Variants in TNRC6C observed in about 807,000 individuals in gnomAD.
TNRC6C encodes the protein trinucleotide repeat-containing gene 6C protein.
Under a neutral mutation model 153.7 loss-of-function variants are expected in TNRC6C, and 20 were observed. The ratio of observed to expected loss-of-function variants is 0.13; its 90% CI spans 0.09 to 0.19. The LOEUF (loss-of-function observed/expected upper bound fraction) is 0.19, where lower values mean the gene tolerates loss of function less well. Ranked by LOEUF, TNRC6C falls within the 10% of genes least tolerant of loss-of-function variation. TNRC6C has a pLI of 1.00. For synonymous variants in TNRC6C, 811 were observed against 841.4 expected, an observed-to-expected ratio of 0.96 and a Z score of 0.63; for missense variants, 1,987 against 2,172.0, an observed-to-expected ratio of 0.91 and a Z score of 1.69.
At chr17:78,102,794 A>G (rs1256808759) in intron 18 of TNRC6C, 12 of 498,320 alleles carry the variant, frequency 2.4e-5, no homozygotes, top group Non-Finnish European at 3.6e-5. Context: ...GAGGCTGGAA[A>G]AGTGTGCTCT....
chr17:78,033,750 G>T (rs937372359), intron 2 of TNRC6C, among the ~76,000 whole-genome samples: 1 of 151,874 alleles, frequency 6.6e-6, no homozygotes. Context: ...ATCATTTTAT[G>T]GATTGAAAAC....
intron 1 of TNRC6C, among the ~76,000 whole-genome samples, chr17:78,013,513 G>T (rs1463359947): frequency 6.6e-6 from 1 of 152,200 alleles, no homozygotes; most frequent in Non-Finnish European, 1.5e-5. Context: ...CCTGCTATTT[G>T]CTTGGTACTG....
rs901665528 is a variant in TNRC6C, at chr17:78,079,239, ACT to A, written c.3211-153_3211-152del. 3.3e-5 allele frequency among the ~76,000 whole-genome samples: 5 copies of A among 152,100 alleles called. No individual in the cohort carries two copies. The highest frequency in any genetic ancestry group is 1.2e-4 in the African/African-American group (5 of 41,414). On this transcript the variant is annotated intron_variant, in intron 9 of 19. Coordinates refer to ENST00000301624, the Ensembl canonical transcript of TNRC6C. The surrounding 1 kb of genome is among the most constrained non-coding windows in gnomAD (Gnocchi z 4.3). Reference sequence around the variant, plus strand: ...ACTCCAGTCTGGGTGACAGAACAAGACTCTGTCTCAAAAAAATTCTCTTGGGT... The same window carrying A: ...ACTCCAGTCTGGGTGACAGAACAAGACTGTCTCAAAAAAATTCTCTTGGGT...
At chr17:77,980,247 C>T (rs903474905) in intron 1 of TNRC6C, among the ~76,000 whole-genome samples, 2 of 152,270 alleles carry the variant, frequency 1.3e-5, no homozygotes, top group African/African-American at 4.8e-5. Context: ...GTGTAACCTG[C>T]ACATCCTGCG....
chr17:78,016,110 A>G (rs1054155661), intron 1 of TNRC6C, among the ~76,000 whole-genome samples: 1 of 152,192 alleles, frequency 6.6e-6, no homozygotes, highest in African/African-American at 2.4e-5. Flanking sequence ...CTCCCCAAAG[A>G]GTTCCCTGAA....
At chr17:78,030,756 G>C (rs2072055433) in intron 1 of TNRC6C, among the ~76,000 whole-genome samples, 1 of 152,132 alleles carries the variant, frequency 6.6e-6, no homozygotes, top group Non-Finnish European at 1.5e-5. Context: ...GGTTCTCATA[G>C]AGAGGTGCTG....
In TNRC6C at chr17:78,049,799, A is replaced by T; in HGVS notation, c.737A>T (p.Asn246Ile). ...GGGGGCAGTGCTGAAGGAATAAGCAATTCTGTGTGGGGACTGTCCCCAGGT... is the reference window on the plus strand; with the variant it reads ...GGGGGCAGTGCTGAAGGAATAAGCATTTCTGTGTGGGGACTGTCCCCAGGT... Residue 246 changes from asparagine (N) to isoleucine (I), a missense_variant, in exon 3 of 20, where the codon AAT becomes ATT. By Grantham distance (149) the Asn-to-Ile change is moderately radical. Coordinates refer to ENST00000301624, the Ensembl canonical transcript of TNRC6C. This position sits in a 1 kb window ranked among gnomAD's most constrained non-coding sequence, Gnocchi z 4.1. 6.2e-7 allele frequency: 1 copy of T among 1,604,816 alleles called. No homozygotes were observed. Among genetic ancestry groups the T allele is most frequent in the Non-Finnish European group, 8.5e-7 (1 of 1,174,314 alleles).
intron 1 of TNRC6C, among the ~76,000 whole-genome samples, chr17:77,996,191 CAAAT>C (rs1158429357): frequency 6.6e-6 from 1 of 152,094 alleles, no homozygotes; most frequent in Non-Finnish European, 1.5e-5. Flanking sequence ...AAATCGTAAT[CAAAT>C]AATGCTGCAG....
At chr17:77,968,136 G>A (rs1002112294) in intron 1 of TNRC6C, among the ~76,000 whole-genome samples, 25 of 152,134 alleles carry the variant, frequency 1.6e-4, no homozygotes, top group Admixed American at 4.6e-4. Context: ...AGGTTCAAGC[G>A]ATTCTCCTCC....
At chr17:77,990,628 A>G (rs912281740) in intron 1 of TNRC6C, among the ~76,000 whole-genome samples, 3 of 152,198 alleles carry the variant, frequency 2.0e-5, no homozygotes, top group African/African-American at 4.8e-5. Flanking sequence ...AAGTGCTCTC[A>G]TAGCACCCTG....
intron 1 of TNRC6C, among the ~76,000 whole-genome samples, chr17:77,975,118 A>T (rs1024843006): frequency 6.6e-6 from 1 of 151,872 alleles, no homozygotes; most frequent in African/African-American, 2.4e-5. Context: ...GTATGGGGGG[A>T]AAAAAATTCT....
chr17:78,081,293 A>G (rs2073174891), intron 10 of TNRC6C, among the ~76,000 whole-genome samples: 1 of 150,570 alleles, frequency 6.6e-6, no homozygotes, highest in African/African-American at 2.4e-5. Context: ...GCAGACATTC[A>G]GACCATAGCA....
intron 3 of TNRC6C, among the ~76,000 whole-genome samples, chr17:78,064,097 G>A (rs527525681): frequency 6.6e-6 from 1 of 152,268 alleles, no homozygotes; most frequent in African/African-American, 2.4e-5. Context: ...AGGCTAGAGT[G>A]CAGTGGCACA....
chr17:78,027,835 T>C (rs1380142795), intron 1 of TNRC6C, among the ~76,000 whole-genome samples: 1 of 151,670 alleles, frequency 6.6e-6, no homozygotes, highest in Non-Finnish European at 1.5e-5. Context: ...TAGCCTTAGA[T>C]AGGAATAACA....
chr17:78,060,066 C>G (rs1193213209), intron 3 of TNRC6C, among the ~76,000 whole-genome samples: 1 of 152,102 alleles, frequency 6.6e-6, no homozygotes, highest in Non-Finnish European at 1.5e-5. Context: ...TGGTCAGTTT[C>G]TAGAAGGGAC....
chr17:77,993,232 G>T (rs1028889486), intron 1 of TNRC6C, among the ~76,000 whole-genome samples: 1 of 152,174 alleles, frequency 6.6e-6, no homozygotes, highest in African/African-American at 2.4e-5. Flanking sequence ...AAAGTGCTGG[G>T]ATTACAGGCG....
chr17:78,023,496 A>T (rs1157120160), intron 1 of TNRC6C, among the ~76,000 whole-genome samples: 2 of 152,162 alleles, frequency 1.3e-5, no homozygotes, highest in East Asian at 3.8e-4. Flanking sequence ...CCCAAGAAGC[A>T]CTTGTTGAGT....
intron 18 of TNRC6C, 92 bp from the exon 22 acceptor site, chr17:78,103,322 G>A (rs2073631050): frequency 6.9e-7 from 1 of 1,453,206 alleles, no homozygotes; most frequent in East Asian, 2.3e-5. Flanking sequence ...CTAGTGTTTA[G>A]TGTATCCAAT....
At chr17:77,985,208 C>G (rs1170058220) in intron 1 of TNRC6C, among the ~76,000 whole-genome samples, 1 of 152,142 alleles carries the variant, frequency 6.6e-6, no homozygotes, top group Admixed American at 6.5e-5. Flanking sequence ...GGTTATAGGA[C>G]TGAGGTCCTT....
Sources: gnomAD v4.1 joint callset for allele counts (sites outside exome capture counted in the v4.1 genomes callset) on GRCh38, gnomAD v4.1.1 for gene constraint, Gnocchi (gnomAD v3.1) non-coding constraint, MANE v1.5 for transcripts, NCBI Gene and HGNC (gene_info 2026-07-23, HGNC 2026-07-21) for gene names.